Variants in INTS4 observed in about 807,000 individuals in gnomAD.
INTS4 encodes the protein integrator complex subunit 4, also known as MSTP093.
In INTS4, 70 loss-of-function variants were observed where a neutral mutation model predicts 119.5. The ratio of observed to expected loss-of-function variants is 0.59; its 90% confidence interval spans 0.48 to 0.71. The LOEUF (loss-of-function observed/expected upper bound fraction) is 0.71, where lower values mean the gene tolerates loss of function less well. INTS4 is among the 30% of genes least tolerant of loss of function. The probability of loss-of-function intolerance (pLI) is 0.00; values close to 1 mark genes in which losing one functional copy is unlikely to be tolerated. For synonymous variants in INTS4, 316 were observed against 419.6 expected, an observed-to-expected ratio of 0.75 and a Z score of 3.02; for missense variants, 867 against 1,173.2, an observed-to-expected ratio of 0.74 and a Z score of 3.81.
chr11:77,961,929 G>A (rs1483305479), intron 4 of INTS4, among the ~76,000 whole-genome samples: 1 of 152,178 alleles, frequency 6.6e-6, no homozygotes, highest in Admixed American at 6.5e-5. Flanking sequence ...GATTATTCTT[G>A]TATGTGGCTT....
chr11:77,921,556 C>T (rs1394460915), intron 13 of INTS4, 83 bp from the exon 14 acceptor site: 7 of 799,498 alleles, frequency 8.8e-6, no homozygotes, highest in Non-Finnish European at 1.5e-5. Context: ...CCTCCAAAAT[C>T]TCCATCAAGA....
intron 15 of INTS4, 151 bp downstream of exon 15, chr11:77,918,670 C>T (rs1953265524): frequency 1.0e-6 from 1 of 981,604 alleles, no homozygotes; most frequent in Admixed American, 3.0e-5. Context: ...AAACCACAAT[C>T]TAATCCAAAT....
At chr11:77,892,973 G>A (rs1467642613) in intron 19 of INTS4, among the ~76,000 whole-genome samples, 1 of 152,174 alleles carries the variant, frequency 6.6e-6, no homozygotes, top group Admixed American at 6.5e-5. Flanking sequence ...ACTCAGCCCT[G>A]TAAGAAGCTA....
intron 9 of INTS4, among the ~76,000 whole-genome samples, chr11:77,940,150 C>T (rs1268737099): frequency 3.9e-5 from 6 of 152,026 alleles, no homozygotes; most frequent in South Asian, 4.2e-4. Context: ...CATTTGGGGC[C>T]GGGCACAATG....
chr11:77,973,016 A>AT (rs1299851858), intron 4 of INTS4, among the ~76,000 whole-genome samples: 2 of 151,278 alleles, frequency 1.3e-5, no homozygotes, highest in Non-Finnish European at 2.9e-5. Flanking sequence ...AATTTTTTCA[A>AT]TTTTTAGTAG....
intron 6 of INTS4, 56 bp downstream of exon 6, chr11:77,960,285 C>T (rs953865877): frequency 6.3e-6 from 8 of 1,270,346 alleles, no homozygotes; most frequent in Non-Finnish European, 9.1e-6. Flanking sequence ...CTGTGTGCCG[C>T]CCTCCCAGCT....
At chr11:77,894,208 T>C (rs1474722793) in intron 19 of INTS4, 82 bp downstream of exon 19, 3 of 710,154 alleles carry the variant, frequency 4.2e-6, no homozygotes, top group East Asian at 2.8e-5. Context: ...GGAATGTGAT[T>C]TGTGATTGTT....
At chr11:77,960,234 T>C (rs527682422) in intron 6 of INTS4, 107 bp downstream of exon 6, 6 of 722,018 alleles carry the variant, frequency 8.3e-6, no homozygotes, top group East Asian at 7.5e-5. Context: ...ACGCTGCCAC[T>C]ATTAACTAGC....
intron 4 of INTS4, among the ~76,000 whole-genome samples, chr11:77,969,964 C>G (rs1484651233): frequency 6.6e-6 from 1 of 152,108 alleles, no homozygotes; most frequent in Non-Finnish European, 1.5e-5. Context: ...TTTCAAACTC[C>G]AACGAAGCTG....
intron 21 of INTS4, among the ~76,000 whole-genome samples, chr11:77,887,924 G>C (rs912439514): frequency 6.6e-6 from 1 of 152,096 alleles, no homozygotes; most frequent in African/African-American, 2.4e-5. Context: ...AAATAAAAGA[G>C]GATACAAACA....
chr11:77,881,879 G>C (rs1356456870), intron 22 of INTS4, among the ~76,000 whole-genome samples: 1 of 151,878 alleles, frequency 6.6e-6, no homozygotes, highest in Non-Finnish European at 1.5e-5. Context: ...CGACCATTCA[G>C]AGGAGGTGAT....
At chr11:77,942,905 C>T (rs1433936380) in intron 8 of INTS4, among the ~76,000 whole-genome samples, 1 of 152,114 alleles carries the variant, frequency 6.6e-6, no homozygotes, top group Non-Finnish European at 1.5e-5. Context: ...CCTATGATTC[C>T]ACAAAAACAA....
intron 14 of INTS4, among the ~76,000 whole-genome samples, chr11:77,921,009 G>A (rs569108559): frequency 8.0e-4 from 121 of 151,864 alleles, no homozygotes; most frequent in African/African-American, 2.7e-3. Context: ...AAAAGGTAAA[G>A]GATACAAAAG....
intron 3 of INTS4, among the ~76,000 whole-genome samples, chr11:77,979,607 T>C (rs1420816782): frequency 6.6e-6 from 1 of 151,844 alleles, no homozygotes; most frequent in Non-Finnish European, 1.5e-5. Context: ...TAGAGTACAG[T>C]TCTATATACA....
At chr11:77,875,358 A>T (rs1488911230), downstream of INTS4, among the ~76,000 whole-genome samples, 1 of 152,196 alleles carries the variant, frequency 6.6e-6, no homozygotes, top group African/African-American at 2.4e-5. Context: ...AATTGGCACA[A>T]ATCTGCCTGG....
intron 2 of INTS4, among the ~76,000 whole-genome samples, chr11:77,990,673 G>A (rs1021525733): frequency 2.3e-5 from 3 of 129,408 alleles, no homozygotes; most frequent in African/African-American, 6.1e-5. Context: ...GCAACAGAGC[G>A]AGACTCTGTC....
intron 3 of INTS4, 103 bp downstream of exon 3, chr11:77,981,356 C>G (rs903645059): frequency 8.5e-6 from 4 of 472,694 alleles, no homozygotes; most frequent in African/African-American, 7.9e-5. Context: ...TCCTCAAATT[C>G]CTCTTCAATA....
At chr11:77,947,186 C>T (rs1408211988) in intron 8 of INTS4, among the ~76,000 whole-genome samples, 1 of 151,364 alleles carries the variant, frequency 6.6e-6, no homozygotes, top group Non-Finnish European at 1.5e-5. Flanking sequence ...CAAATACTTG[C>T]ATTGAAGATT....
At chr11:77,989,271 C>T (rs1002818266) in intron 2 of INTS4, among the ~76,000 whole-genome samples, 16 of 151,686 alleles carry the variant, frequency 1.1e-4, no homozygotes, top group Non-Finnish European at 5.9e-5. Context: ...GTGGATCACC[C>T]GAGGTCTGGA....
Sources: gnomAD v4.1 joint callset for allele counts (sites outside exome capture counted in the v4.1 genomes callset) on GRCh38, gnomAD v4.1.1 for gene constraint, MANE v1.5 for transcripts, NCBI Gene and HGNC (gene_info 2026-07-23, HGNC 2026-07-21) for gene names.